Variants in NLRP7 observed in about 807,000 individuals in gnomAD.
The protein encoded by NLRP7 is NACHT, LRR and PYD domains-containing protein 7.
NLRP7 carries 72 observed loss-of-function variants against 85.5 expected under a neutral mutation model. That is an observed-to-expected ratio of 0.84 (90% CI 0.70 to 1.02). The LOEUF is 1.02. NLRP7 is among the 50% of genes least tolerant of loss of function. The probability of loss-of-function intolerance (pLI) is 0.00; values close to 1 mark genes in which losing one functional copy is unlikely to be tolerated. For synonymous variants in NLRP7, 550 were observed against 505.2 expected (o/e 1.09, Z -1.19); for missense variants, 1,243 against 1,219.5 (o/e 1.02, Z -0.29).
intron 6 of NLRP7, 104 bp downstream of exon 6, chr19:54,936,155 CCT>C: frequency 1.0e-6 from 1 of 971,800 alleles, no homozygotes; most frequent in Non-Finnish European, 1.6e-6. Context: ...GAATACATTC[CCT>C]GTCTGGGACG....
intron 1 of NLRP7, among the ~76,000 whole-genome samples, chr19:54,953,735 G>A (rs2069751506): frequency 6.6e-6 from 1 of 151,664 alleles, no homozygotes; most frequent in African/African-American, 2.4e-5. Context: ...GGGCGCGGTG[G>A]CTCACACCTG....
chr19:54,933,733 T>C (rs751713995), exon 8 of NLRP7: 1 of 1,613,832 alleles, frequency 6.2e-7, no homozygotes, highest in Admixed American at 1.7e-5. Flanking sequence ...GACGACAGTT[T>C]TCCAACCTGC....
chr19:54,927,871 C>A, intron 9 of NLRP7, 96 bp from the exon 10 acceptor site: 2 of 1,036,930 alleles, frequency 1.9e-6, no homozygotes, highest in East Asian at 4.8e-5. Context: ...GCGGGTGGAT[C>A]ACTTGAGGCC....
chr19:54,940,947 C>T (rs766338217), exon 3 of NLRP7: 30 of 1,611,776 alleles, frequency 1.9e-5, no homozygotes, highest in Middle Eastern at 1.6e-4. Flanking sequence ...TTGCTAACTC[C>T]GAGTCTTCTT....
In NLRP7 at chr19:54,934,456, A is replaced by G; in HGVS notation, c.2471+33T>C. The G allele has an allele frequency of 1.9e-6, 3 of 1,612,020 alleles. No individual in the cohort carries two copies. Among genetic ancestry groups the G allele is most frequent in the South Asian group, 2.2e-5 (2 of 91,024 alleles). ...TTTCTCTTCTATAGCCCCAGAACTA[A>G]ACCAGAGCTGCCCATGGGAAGAGGA... On this transcript the variant is annotated intron_variant, in intron 7 of 9. Transcript: ENST00000340844. This position sits in a 1 kb window ranked among gnomAD's most constrained non-coding sequence, Gnocchi z 6.7.
intron 8 of NLRP7, among the ~76,000 whole-genome samples, chr19:54,933,284 T>G (rs529752352): frequency 2.0e-5 from 3 of 152,228 alleles, no homozygotes; most frequent in African/African-American, 7.2e-5. Context: ...TAGCTGGGAC[T>G]ACAGGCATCC....
chr19:54,936,155 C>G, intron 6 of NLRP7, 106 bp downstream of exon 6: 1 of 971,800 alleles, frequency 1.0e-6, no homozygotes, highest in Non-Finnish European at 1.6e-6. Flanking sequence ...GAATACATTC[C>G]CTGTCTGGGA....
chr19:54,961,103 G>A (rs1358737058), intron 1 of NLRP7, among the ~76,000 whole-genome samples: 1 of 152,058 alleles, frequency 6.6e-6, no homozygotes, highest in Non-Finnish European at 1.5e-5. Context: ...GCCAGGCATA[G>A]TGGCTCACAC....
At chr19:54,939,196 C>T in exon 4 of NLRP7, 1 of 1,614,224 alleles carries the variant, frequency 6.2e-7, no homozygotes, top group Non-Finnish European at 8.5e-7. Flanking sequence ...CCGGTGACAT[C>T]CGGCAGCCAA....
chr19:54,961,036 G>C (rs1352371021), intron 1 of NLRP7, among the ~76,000 whole-genome samples: 1 of 152,032 alleles, frequency 6.6e-6, no homozygotes, highest in East Asian at 1.9e-4. Context: ...AAATGTGTTT[G>C]TTGCACTGAT....
intron 9 of NLRP7, among the ~76,000 whole-genome samples, chr19:54,924,304 A>G (rs2068342925): frequency 1.3e-5 from 2 of 152,118 alleles, no homozygotes; most frequent in South Asian, 2.1e-4. Context: ...GACCCACACA[A>G]TGGGGATCCT....
intron 1 of NLRP7, among the ~76,000 whole-genome samples, chr19:54,956,746 T>C (rs892783665): frequency 1.1e-4 from 16 of 151,530 alleles, no homozygotes; most frequent in Non-Finnish European, 4.4e-5. Flanking sequence ...ATCAGCACTT[T>C]GGGAGGCCGA....
At chr19:54,943,466 T>C (rs541571718) in intron 1 of NLRP7, among the ~76,000 whole-genome samples, 1 of 151,784 alleles carries the variant, frequency 6.6e-6, no homozygotes, top group Non-Finnish European at 1.5e-5. Context: ...CCGGGCGTGG[T>C]GGCGGGCGCC....
rs368983087 is a variant in NLRP7, at chr19:54,934,586, T to C, written c.2374A>G (p.Lys792Glu). 6.2e-7 allele frequency: 1 copy of C among 1,614,108 alleles called. No homozygotes were observed. The highest frequency in any genetic ancestry group is 8.5e-7 in the Non-Finnish European group (1 of 1,179,970). Residue 792 changes from lysine to glutamate, a missense_variant, in exon 7 of 10, where the codon AAG becomes GAG. By Grantham distance (56) the Lys-to-Glu change is moderately conservative. Around this residue, in one of 3 missense-constraint regions of NLRP7, gnomAD observed 613 missense variants for 588.4 expected, o/e 1.04. Transcript: ENST00000340844. The surrounding 1 kb of genome is among the most constrained non-coding windows in gnomAD (Gnocchi z 6.7). ...ACATTGGCTGAGAGACGCAGGTGCT[T>C]CAGGGACTGGTTGGCTTTGAGGACA...
intron 9 of NLRP7, 93 bp downstream of exon 10, chr19:54,927,512 C>A (rs60153533): frequency 1.9e-5 from 24 of 1,271,524 alleles, no homozygotes; most frequent in Non-Finnish European, 2.7e-5. Flanking sequence ...GCCAAGATTG[C>A]GCCACTGCAC....
At chr19:54,930,192 C>G (rs1433147028) in intron 9 of NLRP7, among the ~76,000 whole-genome samples, 2 of 151,238 alleles carry the variant, frequency 1.3e-5, no homozygotes, top group East Asian at 3.9e-4. Context: ...TGAGGCCAGG[C>G]ATGATGGCTC....
chr19:54,925,045 C>A (rs2068373433), intron 9 of NLRP7, among the ~76,000 whole-genome samples: 1 of 152,126 alleles, frequency 6.6e-6, no homozygotes, highest in Non-Finnish European at 1.5e-5. Context: ...AACGTGGCTG[C>A]AGCATGCAAG....
chr19:54,962,891 A>G (rs1049830904), intron 1 of NLRP7, among the ~76,000 whole-genome samples: 9 of 152,070 alleles, frequency 5.9e-5, no homozygotes, highest in African/African-American at 2.2e-4. Flanking sequence ...GAGGCACCAC[A>G]CTGGGCCCCC....
At position 54,934,424 on chromosome 19, in the gene NLRP7, G is replaced by A. The variant is rs2068807652; in HGVS notation, c.2471+65C>T. On this transcript the variant is annotated intron_variant, in intron 7 of 9. Coordinates refer to ENST00000340844, the Ensembl canonical transcript of NLRP7. This position sits in a 1 kb window ranked among gnomAD's most constrained non-coding sequence, Gnocchi z 6.7. ...ACGTGGGTGGCGCAGTAAGTCAGGT[G>A]TTACCCTTTCTCTTCTATAGCCCCA... The A allele has an allele frequency of 2.6e-6, 4 of 1,545,434 alleles. No homozygotes were observed. The highest frequency in any genetic ancestry group is 1.4e-5 in the African/African-American group (1 of 73,642).
Sources: allele counts gnomAD v4.1 joint callset (sites outside exome capture counted in the v4.1 genomes callset), GRCh38; gene constraint gnomAD v4.1.1; regional missense constraint gnomAD v4.1.1; non-coding constraint Gnocchi (gnomAD v3.1); transcripts MANE v1.5; gene names NCBI Gene and HGNC (gene_info 2026-07-23, HGNC 2026-07-21).